CUX1: variants seen among roughly 807,000 people sequenced by gnomAD.
CUX1 encodes cut like homeobox 1.
Under a neutral mutation model 158.8 loss-of-function variants are expected in CUX1, and 31 were observed. The observed-to-expected ratio is 0.20, with a 90% CI of 0.15 to 0.26. The LOEUF (loss-of-function observed/expected upper bound fraction) is 0.26, where lower values mean the gene tolerates loss of function less well. Ranked by LOEUF, CUX1 falls within the 10% of genes least tolerant of loss-of-function variation. The probability of loss-of-function intolerance (pLI) is 1.00; values close to 1 mark genes in which losing one functional copy is unlikely to be tolerated. For synonymous variants in CUX1, 879 were observed against 862.1 expected (o/e 1.02, Z -0.34); for missense variants, 1,589 against 2,014.6 (o/e 0.79, Z 4.04).
At chr7:101,821,655 TCTTTTTTTCTTTTTTC>T (rs1209304437) in intron 1 of CUX1, among the ~76,000 whole-genome samples, 90 of 140,224 alleles carry the variant, frequency 6.4e-4, no homozygotes, top group Middle Eastern at 3.5e-3. Context: ...TCTTTTCTTT[TCTTTTTTTCTTTTTTC>T]TTTTTTTTTT....
chr7:101,938,288 A>G (rs956070967), intron 2 of CUX1, among the ~76,000 whole-genome samples: 28 of 151,960 alleles, frequency 1.8e-4, no homozygotes, highest in Admixed American at 1.8e-3. Context: ...AATTTTTTGC[A>G]GAGACAGGGT....
chr7:101,878,087 C>T (rs960660249), intron 1 of CUX1, among the ~76,000 whole-genome samples: 1 of 152,206 alleles, frequency 6.6e-6, no homozygotes, highest in African/African-American at 2.4e-5. Context: ...GCAGAGAGCC[C>T]TGTCCTCCAG....
intron 23 of CUX1, among the ~76,000 whole-genome samples, chr7:102,242,395 G>C (rs1172983341): frequency 6.6e-6 from 1 of 151,860 alleles, no homozygotes; most frequent in East Asian, 1.9e-4. Flanking sequence ...ATTTCTAGTA[G>C]AGACTGGGTT....
intron 3 of CUX1, among the ~76,000 whole-genome samples, chr7:102,051,762 G>C (rs1403682137): frequency 1.3e-5 from 2 of 152,162 alleles, no homozygotes; most frequent in Non-Finnish European, 2.9e-5. Flanking sequence ...CAGGCAGCTG[G>C]ATGACAGGTG....
chr7:102,259,957 T>C (rs1446685258), downstream of CUX1, among the ~76,000 whole-genome samples: 1 of 151,812 alleles, frequency 6.6e-6, no homozygotes, highest in Non-Finnish European at 1.5e-5. Context: ...TAGTTGGGCA[T>C]GGTGGCATGT....
intron 2 of CUX1, among the ~76,000 whole-genome samples, chr7:101,987,121 GA>G (rs1814411433): frequency 1.3e-5 from 2 of 152,164 alleles, no homozygotes; most frequent in Non-Finnish European, 2.9e-5. Flanking sequence ...GTCTTGGAAT[GA>G]GGCACCTGCA....
chr7:101,975,972 C>T (rs909945646), intron 2 of CUX1, among the ~76,000 whole-genome samples: 1 of 152,116 alleles, frequency 6.6e-6, no homozygotes, highest in Non-Finnish European at 1.5e-5. Context: ...GAAACCCCGT[C>T]TCTACTAAAA....
intron 3 of CUX1, among the ~76,000 whole-genome samples, chr7:102,065,059 A>C (rs1331789495): frequency 6.6e-6 from 1 of 152,048 alleles, no homozygotes; most frequent in East Asian, 1.9e-4. Context: ...GGGAGGATGG[A>C]CTAAACTCCA....
intron 8 of CUX1, among the ~76,000 whole-genome samples, chr7:102,134,824 G>A (rs1403888379): frequency 1.3e-5 from 2 of 152,142 alleles, no homozygotes; most frequent in Admixed American, 6.5e-5. Flanking sequence ...TCAAACTCCT[G>A]GGCTCAAGCG....
rs1794718201 is a variant in CUX1 at position 102,195,571 on chromosome 7, C to G, written c.1190C>G (p.Ala397Gly). The change falls in exon 14 of 24, where the codon GCC (alanine) becomes GGC (glycine). Residue 397 changes from alanine (A) to glycine (G), a missense_variant. Ala to Gly is a moderately conservative substitution (Grantham distance 60). Coordinates refer to ENST00000292535, the MANE Select transcript of CUX1 (RefSeq NM_181552.4). ...EKNRSLQSEN[A>G]ALRISNSDLS... Reference sequence around the variant, plus strand: ...AACCGCTCGCTGCAGTCCGAGAACGCCGCGCTGCGCATCTCCAACAGCGAC... The same window carrying G: ...AACCGCTCGCTGCAGTCCGAGAACGGCGCGCTGCGCATCTCCAACAGCGAC... The G allele has an allele frequency of 1.2e-6, 2 of 1,612,056 alleles. No homozygotes were observed. Among genetic ancestry groups the G allele is most frequent in the Non-Finnish European group, 1.7e-6 (2 of 1,179,600 alleles).
intron 2 of CUX1, among the ~76,000 whole-genome samples, chr7:101,958,753 T>C (rs1810082480): frequency 6.6e-6 from 1 of 150,958 alleles, no homozygotes; most frequent in South Asian, 2.1e-4. Context: ...GTGCTGGGAT[T>C]ACAGGCATGA....
At chr7:102,125,002 G>C (rs1402560744) in intron 8 of CUX1, among the ~76,000 whole-genome samples, 1 of 152,070 alleles carries the variant, frequency 6.6e-6, no homozygotes, top group African/African-American at 2.4e-5. Context: ...GGCTGGTCTC[G>C]ATCTCCTGAC....
chr7:101,973,014 A>G (rs1812165647), intron 2 of CUX1, among the ~76,000 whole-genome samples: 4 of 152,132 alleles, frequency 2.6e-5, no homozygotes, highest in African/African-American at 4.8e-5. Context: ...TGATTCTAAA[A>G]ATGACACTCG....
chr7:102,087,449 A>C (rs1156890178), intron 4 of CUX1, among the ~76,000 whole-genome samples: 2 of 152,150 alleles, frequency 1.3e-5, no homozygotes, highest in Non-Finnish European at 2.9e-5. Context: ...GCGTGGTGGC[A>C]CATGCCTGTA....
chr7:102,246,677 C>T (rs1036248353), intron 23 of CUX1, among the ~76,000 whole-genome samples: 3 of 152,036 alleles, frequency 2.0e-5, no homozygotes, highest in Non-Finnish European at 2.9e-5. Context: ...TCAAGAGATT[C>T]TCCTGCCTCA....
rs1246288782 is a variant in CUX1 at position 101,851,823 on chromosome 7, T to TTC, written c.30+34160_30+34161dup. Among the ~76,000 whole-genome samples, 3 of 114,426 alleles carry TTC rather than the reference T, an allele frequency of 2.6e-5. No homozygotes were observed. In the South Asian group the frequency reaches 9.9e-4, roughly 38 times the overall value. 75.1% of individuals were successfully genotyped at this position (114,426 alleles called of 152,430 possible). On this transcript the variant is annotated intron_variant, in intron 1 of 23. Transcript: ENST00000292535. The stretch of plus-strand genomic sequence containing the variant: ...TTTTCTTACTTTTCATTTGTCTTTC[T>TTC]TCTCTCTTTTTTTTTTTTCTTTTGA...
chr7:102,151,589 G>A (rs1484475551), intron 8 of CUX1, among the ~76,000 whole-genome samples: 1 of 151,730 alleles, frequency 6.6e-6, no homozygotes, highest in African/African-American at 2.4e-5. Context: ...AATTAGCTGT[G>A]ATTGGGTGTG....
intron 3 of CUX1, among the ~76,000 whole-genome samples, chr7:102,060,620 C>CAAATAA (rs1824731239): frequency 7.0e-6 from 1 of 143,120 alleles, no homozygotes; most frequent in South Asian, 2.2e-4. Context: ...CACACACACA[C>CAAATAA]ACACACACAC....
chr7:101,887,386 A>C (rs1469263249), intron 1 of CUX1, among the ~76,000 whole-genome samples: 1 of 151,838 alleles, frequency 6.6e-6, no homozygotes, highest in East Asian at 1.9e-4. Flanking sequence ...AGTTCACTGA[A>C]GTCTTGATCT....
Sources: gnomAD v4.1 joint callset for allele counts (sites outside exome capture counted in the v4.1 genomes callset) on GRCh38, gnomAD v4.1.1 for gene constraint, MANE v1.5 for transcripts, NCBI Gene and HGNC (gene_info 2026-07-23, HGNC 2026-07-21) for gene names.